FBXL5: variants seen among roughly 807,000 people sequenced by gnomAD.
FBXL5 encodes F-box and leucine rich repeat protein 5, also known as F-box/LRR-repeat protein 5.
In FBXL5, 26 loss-of-function variants were observed where a neutral mutation model predicts 78.3. The observed-to-expected ratio is 0.33, with a 90% CI of 0.24 to 0.46. The LOEUF (loss-of-function observed/expected upper bound fraction) is 0.46. Ranked by LOEUF, FBXL5 falls within the 20% of genes least tolerant of loss-of-function variation. The probability of loss-of-function intolerance (pLI) is 1.00; values close to 1 mark genes in which losing one functional copy is unlikely to be tolerated. For missense variants in FBXL5, 710 were observed against 829.2 expected (o/e 0.86, Z 1.77); for synonymous variants, 295 against 282.5 (o/e 1.04, Z -0.45).
chr4:15,665,803 C>T (rs1717515631), intron 1 of FBXL5, among the ~76,000 whole-genome samples: 1 of 152,160 alleles, frequency 6.6e-6, no homozygotes. Context: ...CAGTAAAATA[C>T]ATGGCTCTCA....
chr4:15,631,978 A>ATG (rs1713719586), intron 5 of FBXL5, among the ~76,000 whole-genome samples: 7 of 152,252 alleles, frequency 4.6e-5, no homozygotes, highest in African/African-American at 1.7e-4. Flanking sequence ...TTTTAGTCAC[A>ATG]AAGTCCTTGC....
chr4:15,627,838 T>C (rs372160816), intron 7 of FBXL5, 47 bp downstream of exon 7: 89 of 1,564,258 alleles, frequency 5.7e-5, no homozygotes, highest in South Asian at 1.2e-4. Flanking sequence ...CAAACTCTTA[T>C]CATGCTGTTT....
chr4:15,625,073 GA>G (rs1192374530), intron 9 of FBXL5, among the ~76,000 whole-genome samples, 178 bp downstream of exon 9: 2 of 152,316 alleles, frequency 1.3e-5, no homozygotes, highest in Middle Eastern at 3.4e-3. Context: ...TGACAGAAAT[GA>G]AACTTCATAC....
At chr4:15,662,358 C>G (rs1344745258), upstream of FBXL5, among the ~76,000 whole-genome samples, 1 of 152,166 alleles carries the variant, frequency 6.6e-6, no homozygotes, top group African/African-American at 2.4e-5. Flanking sequence ...ATCATCTATT[C>G]TGAGTTTCTA....
At chr4:15,652,298 A>G (rs1716173843) in intron 1 of FBXL5, among the ~76,000 whole-genome samples, 1 of 152,198 alleles carries the variant, frequency 6.6e-6, no homozygotes, top group African/African-American at 2.4e-5. Context: ...GATTTAATAT[A>G]AAGAAAATTA....
upstream of FBXL5, chr4:15,655,490 C>G (rs1716808953): frequency 1.5e-6 from 1 of 658,276 alleles, no homozygotes; most frequent in Non-Finnish European, 1.9e-6. Flanking sequence ...CGGGCGCGCG[C>G]AGAGGCTCGC....
intron 1 of FBXL5, among the ~76,000 whole-genome samples, chr4:15,665,123 T>G (rs1010687413): frequency 6.6e-6 from 1 of 152,156 alleles, no homozygotes; most frequent in African/African-American, 2.4e-5. Flanking sequence ...GTCTCTCCCA[T>G]TCTTCCTCGA....
At chr4:15,674,680 C>T (rs1446939906) in intron 1 of FBXL5, among the ~76,000 whole-genome samples, 6 of 149,822 alleles carry the variant, frequency 4.0e-5, no homozygotes, top group Non-Finnish European at 7.4e-5. Context: ...GACAGAGTCT[C>T]ACTCTGTCGC....
chr4:15,662,723 ATTATCT>A (rs1717370900), upstream of FBXL5, among the ~76,000 whole-genome samples: 3 of 152,196 alleles, frequency 2.0e-5, no homozygotes, highest in Admixed American at 6.5e-5. Context: ...CATTCAATCC[ATTATCT>A]TTATGTAATC....
chr4:15,656,184 C>T (rs1391075738), upstream of FBXL5: 1 of 456,220 alleles, frequency 2.2e-6, no homozygotes. Flanking sequence ...GGTACAAATC[C>T]CGCCATTTTA....
chr4:15,615,607 T>C (rs1050865068), intron 9 of FBXL5, among the ~76,000 whole-genome samples: 2 of 149,078 alleles, frequency 1.3e-5, no homozygotes, highest in East Asian at 3.9e-4. Context: ...ATCAGCACCC[T>C]GTGTTTAGCT....
At chr4:15,616,167 A>G (rs1287676154) in intron 9 of FBXL5, among the ~76,000 whole-genome samples, 1 of 152,048 alleles carries the variant, frequency 6.6e-6, no homozygotes, top group East Asian at 1.9e-4. Flanking sequence ...ACATCTGAAC[A>G]TCAGGAGGGA....
chr4:15,611,453 C>A (rs1168239347), intron 10 of FBXL5, among the ~76,000 whole-genome samples: 1 of 151,964 alleles, frequency 6.6e-6, no homozygotes, highest in Non-Finnish European at 1.5e-5. Context: ...GTAGTCTGAG[C>A]CATCTAAAAT....
upstream of FBXL5, among the ~76,000 whole-genome samples, chr4:15,662,850 C>A (rs1717377873): frequency 6.6e-6 from 1 of 152,134 alleles, no homozygotes; most frequent in East Asian, 1.9e-4. Flanking sequence ...TGTGGCTAAA[C>A]ATTATTCCCA....
At chr4:15,654,288 G>T (rs1716540168) in intron 1 of FBXL5, among the ~76,000 whole-genome samples, 2 of 152,236 alleles carry the variant, frequency 1.3e-5, no homozygotes, top group African/African-American at 4.8e-5. Context: ...GGGACTGCCT[G>T]AGGTTTGCAG....
At chr4:15,635,175 T>A (rs530815624) in intron 5 of FBXL5, among the ~76,000 whole-genome samples, 3 of 151,186 alleles carry the variant, frequency 2.0e-5, no homozygotes. Flanking sequence ...CTACTAAAAG[T>A]ACAAAAAATT....
At chr4:15,606,963 T>C (rs1029332299) in intron 10 of FBXL5, among the ~76,000 whole-genome samples, 1 of 152,134 alleles carries the variant, frequency 6.6e-6, no homozygotes, top group Non-Finnish European at 1.5e-5. Context: ...ACTAAACACA[T>C]AGAACACATT....
At chr4:15,628,969 T>A (rs1192879936) in intron 6 of FBXL5, among the ~76,000 whole-genome samples, 1 of 152,032 alleles carries the variant, frequency 6.6e-6, no homozygotes, top group Non-Finnish European at 1.5e-5. Flanking sequence ...ATTATGCATA[T>A]TTTGGGGGTA....
chr4:15,609,611 T>C (rs2148515624), intron 10 of FBXL5, among the ~76,000 whole-genome samples: 1 of 152,218 alleles, frequency 6.6e-6, no homozygotes, highest in South Asian at 2.1e-4. Context: ...TTATTTGCTA[T>C]CATTGCTCAA....
Sources: allele counts gnomAD v4.1 joint callset (sites outside exome capture counted in the v4.1 genomes callset), GRCh38; gene constraint gnomAD v4.1.1; transcripts MANE v1.5; gene names NCBI Gene and HGNC (gene_info 2026-07-23, HGNC 2026-07-21).